The following KCNQ1 variants were observed in gnomAD, a reference collection of about 807,000 sequenced individuals.
KCNQ1 encodes potassium voltage-gated channel subfamily KQT member 1.
In KCNQ1, 49 loss-of-function variants were observed where a neutral mutation model predicts 72.4. That is an observed-to-expected ratio of 0.68 (90% CI 0.54 to 0.86). The LOEUF (loss-of-function observed/expected upper bound fraction) is 0.86. KCNQ1 is among the 40% of genes least tolerant of loss of function. KCNQ1 has a pLI of 0.00. For synonymous variants in KCNQ1, 450 were observed against 412.6 expected (o/e 1.09, Z -1.10); for missense variants, 790 against 945.1 (o/e 0.84, Z 2.15).
Position 2,588,134 on chromosome 11 carries a change from G to A in KCNQ1, c.1251+442G>A, listed in dbSNP as rs1848620744. 6.6e-6 allele frequency among the ~76,000 whole-genome samples: 1 copy of A among 152,078 alleles called. No individual in the cohort carries two copies. The highest frequency in any genetic ancestry group is 2.1e-4 in the South Asian group (1 of 4,824). ...GGTCTGGAGGTCACAGGGCAGTGGA[G>A]TTTGGCAGGCGCTGGGCAGAAGTCT... On this transcript the variant is annotated intron_variant, in intron 9 of 15. Coordinates refer to ENST00000155840, the MANE Select transcript of KCNQ1 (RefSeq NM_000218.3). The surrounding 1 kb of genome is among the most constrained non-coding windows in gnomAD (Gnocchi z 5.6).
At chr11:2,822,630 G>T (rs1049519123) in intron 15 of KCNQ1, among the ~76,000 whole-genome samples, 9 of 152,210 alleles carry the variant, frequency 5.9e-5, no homozygotes, top group African/African-American at 2.4e-5. Flanking sequence ...GGATAGTCAT[G>T]GGCCAAGGCC....
Position 2,624,205 on chromosome 11 carries a change from T to C in KCNQ1, c.1393+35351T>C. 3 of 398,640 alleles carry C rather than the reference T, an allele frequency of 7.5e-6. No individual in the cohort carries two copies. The highest frequency in any genetic ancestry group is 1.3e-5 in the Non-Finnish European group (3 of 226,060). 24.7% of individuals were successfully genotyped at this position (398,640 alleles called of 1,614,324 possible). ...CATCTTTTCATATACTTAGTTGCCA[T>C]CTGTATATCTTCATTGGTGAGATGT... On this transcript the variant is annotated intron_variant, in intron 10 of 15. Coordinates refer to ENST00000155840, the MANE Select transcript of KCNQ1 (RefSeq NM_000218.3). The surrounding 1 kb of genome is among the most constrained non-coding windows in gnomAD (Gnocchi z 4.9).
chr11:2,589,167 C>T (rs1347899538), intron 10 of KCNQ1, among the ~76,000 whole-genome samples: 1 of 152,178 alleles, frequency 6.6e-6, no homozygotes, highest in South Asian at 2.1e-4. Flanking sequence ...GGCTTCCTCC[C>T]AGCCGAGCCC....
In KCNQ1 at chr11:2,547,010, T is replaced by C. The variant is rs1010990204; in HGVS notation, c.477+18992T>C. On this transcript the variant is annotated intron_variant, in intron 2 of 15. Coordinates refer to ENST00000155840, the MANE Select transcript of KCNQ1 (RefSeq NM_000218.3). This position sits in a 1 kb window ranked among gnomAD's most constrained non-coding sequence, Gnocchi z 4.2. ...CTTTAGACTCAAAACTTGTTTTTCA[T>C]ATGAAGCATATAGTTGAGTCTTATT... Among the ~76,000 whole-genome samples the C allele has an allele frequency of 6.6e-6, 1 of 152,262 alleles. No individual in the cohort carries two copies. Among genetic ancestry groups the C allele is most frequent in the Non-Finnish European group, 1.5e-5 (1 of 68,042 alleles).
intron 11 of KCNQ1, among the ~76,000 whole-genome samples, chr11:2,705,355 G>A (rs1850890163): frequency 6.6e-6 from 1 of 152,100 alleles, no homozygotes; most frequent in Non-Finnish European, 1.5e-5. Context: ...TATATGTTTG[G>A]GCATTGCTCA....
At chr11:2,490,870 T>C (rs1435054311) in intron 1 of KCNQ1, among the ~76,000 whole-genome samples, 1 of 152,112 alleles carries the variant, frequency 6.6e-6, no homozygotes, top group Admixed American at 6.5e-5. Context: ...TGTTTGTTTG[T>C]TTGTTTGTTT....
In KCNQ1 at chr11:2,645,866, G is replaced by A; in HGVS notation, c.1394-16095G>A. On this transcript the variant is annotated intron_variant, in intron 10 of 15. Coordinates refer to ENST00000155840, the MANE Select transcript of KCNQ1 (RefSeq NM_000218.3). The surrounding 1 kb of genome is among the most constrained non-coding windows in gnomAD (Gnocchi z 5.8). ...TCAGGGGATGTGTGAATTGCCTGAGGATTCAGGGTGATCTCCCTCTCTGGG... is the reference window on the plus strand; with the variant it reads ...TCAGGGGATGTGTGAATTGCCTGAGAATTCAGGGTGATCTCCCTCTCTGGG... 1 of 398,616 alleles carries A rather than the reference G, an allele frequency of 2.5e-6. No homozygotes were observed. The highest frequency in any genetic ancestry group is 4.4e-6 in the Non-Finnish European group (1 of 226,088). The allele number at this position is 398,616 out of a possible 1,614,324, so 24.7% of individuals were successfully genotyped here.
At chr11:2,605,436 A>G (rs1212040010) in intron 10 of KCNQ1, among the ~76,000 whole-genome samples, 5 of 152,160 alleles carry the variant, frequency 3.3e-5, no homozygotes, top group African/African-American at 1.2e-4. Context: ...TTACGTATTT[A>G]TGTCTTTGAT....
intron 11 of KCNQ1, chr11:2,699,141 C>G: frequency 2.5e-6 from 1 of 398,652 alleles, no homozygotes; most frequent in East Asian, 3.6e-5. Context: ...ACTCCAATCC[C>G]AATTCAGCCC....
intron 2 of KCNQ1, among the ~76,000 whole-genome samples, chr11:2,546,055 T>TC (rs1405045007): frequency 2.6e-5 from 4 of 152,142 alleles, no homozygotes; most frequent in Non-Finnish European, 4.4e-5. Flanking sequence ...TTCTTTTTTT[T>TC]CTCGTTTCTT....
chr11:2,820,027 C>A (rs1310670026), intron 15 of KCNQ1, among the ~76,000 whole-genome samples: 1 of 152,158 alleles, frequency 6.6e-6, no homozygotes, highest in Non-Finnish European at 1.5e-5. Context: ...CTTCAAACAA[C>A]CTGCATTTGG....
At chr11:2,640,999 A>T (rs1360167019) in intron 10 of KCNQ1, 2 of 398,544 alleles carry the variant, frequency 5.0e-6, no homozygotes, top group East Asian at 3.6e-5. Flanking sequence ...ACATGATTTC[A>T]TTCTTCTTTG....
intron 15 of KCNQ1, among the ~76,000 whole-genome samples, chr11:2,795,106 G>A (rs234878): frequency 0.63 from 95,236 of 152,052 alleles, 30,033 homozygotes; most frequent in East Asian, 0.72. Context: ...GTCCCACTCA[G>A]CTCCACCCCA....
chr11:2,848,353 G>A lies in KCNQ1; in HGVS notation c.*350G>A, dbSNP rs114877430. On this transcript the variant is annotated 3_prime_UTR_variant, in exon 16 of 16. Coordinates refer to ENST00000155840, the MANE Select transcript of KCNQ1 (RefSeq NM_000218.3). ...GGCCAGGAAGTAGCACAGGCTGAGTGCAGGCCCACCCTGCTTGGCCCAGGG... is the reference window on the plus strand; with the variant it reads ...GGCCAGGAAGTAGCACAGGCTGAGTACAGGCCCACCCTGCTTGGCCCAGGG... 1,169 of 548,788 alleles carry A rather than the reference G, an allele frequency of 2.1e-3. 10 individuals carry two copies. The highest frequency in any genetic ancestry group is 0.019 in the African/African-American group (1,018 of 53,764). 34.0% of individuals were successfully genotyped at this position (548,788 alleles called of 1,614,324 possible).
Position 2,735,463 on chromosome 11 carries a change from C to T in KCNQ1, c.1515-33381C>T, listed in dbSNP as rs1845941477. Among the ~76,000 whole-genome samples, 1 of 152,066 alleles carries T rather than the reference C, an allele frequency of 6.6e-6. No homozygotes were observed. The highest frequency in any genetic ancestry group is 2.4e-5 in the African/African-American group (1 of 41,396). ...CTCCTAGGCCAGGGATGCCTGAAGC[C>T]ACACTCCACTGCATTCAGCCACCGT... On this transcript the variant is annotated intron_variant, in intron 11 of 15. Transcript: ENST00000155840. The surrounding 1 kb of genome is among the most constrained non-coding windows in gnomAD (Gnocchi z 7.7).
chr11:2,686,342 G>C lies in KCNQ1; in HGVS notation c.1514+24261G>C, dbSNP rs576028523. 1,125 of 398,712 alleles carry C rather than the reference G, an allele frequency of 2.8e-3. 4 individuals are homozygous for C. The highest frequency in any genetic ancestry group is 3.8e-3 in the Non-Finnish European group (863 of 226,140). 24.7% of individuals were successfully genotyped at this position (398,712 alleles called of 1,614,324 possible). ...TGGCCCGTCCCACCTGTTCCAAGCT[G>C]GGGGAGGAGTATGCTCACTTGGGCT... On this transcript the variant is annotated intron_variant, in intron 11 of 15. Transcript: ENST00000155840.
In KCNQ1 at chr11:2,507,803, G is replaced by A. The variant is rs560996752; in HGVS notation, c.387-20125G>A. Among the ~76,000 whole-genome samples, 17 of 152,156 alleles carry A rather than the reference G, an allele frequency of 1.1e-4. No homozygotes were observed. In the South Asian group the frequency reaches 2.9e-3, roughly 26 times the overall value. On this transcript the variant is annotated intron_variant, in intron 1 of 15. Transcript: ENST00000155840. This position sits in a 1 kb window ranked among gnomAD's most constrained non-coding sequence, Gnocchi z 5.4. Reference sequence around the variant, plus strand: ...GGGTGGGTGGAAGGGCAGAGGGCAAGGGCCAAGTGATGGCAGCTGTGGAGG... The same window carrying A: ...GGGTGGGTGGAAGGGCAGAGGGCAAAGGCCAAGTGATGGCAGCTGTGGAGG...
At position 2,537,941 on chromosome 11, in the gene KCNQ1, C is replaced by T. The variant is rs1243366719; in HGVS notation, c.477+9923C>T. On this transcript the variant is annotated intron_variant, in intron 2 of 15. Transcript: ENST00000155840. This position sits in a 1 kb window ranked among gnomAD's most constrained non-coding sequence, Gnocchi z 5.2. Reference sequence around the variant, plus strand: ...ATGTTACCTAGGCTGGTCTTAAACTCCTGAGTTCAAACAATCCTCCCACCT... The same window carrying T: ...ATGTTACCTAGGCTGGTCTTAAACTTCTGAGTTCAAACAATCCTCCCACCT... Among the ~76,000 whole-genome samples, 1 of 152,146 alleles carries T rather than the reference C, an allele frequency of 6.6e-6. No homozygotes were observed. Among genetic ancestry groups the T allele is most frequent in the African/African-American group, 2.4e-5 (1 of 41,416 alleles).
intron 11 of KCNQ1, among the ~76,000 whole-genome samples, chr11:2,717,710 CG>C (rs1851116527): frequency 6.6e-6 from 1 of 152,184 alleles, no homozygotes; most frequent in Non-Finnish European, 1.5e-5. Context: ...AGAGCAGAAA[CG>C]GAAAGACAGA....
Sources: allele counts gnomAD v4.1 joint callset (sites outside exome capture counted in the v4.1 genomes callset), GRCh38; gene constraint gnomAD v4.1.1; non-coding constraint Gnocchi (gnomAD v3.1); transcripts MANE v1.5; gene names NCBI Gene and HGNC (gene_info 2026-07-23, HGNC 2026-07-21).